The following ITIH1 variants were observed in gnomAD, a reference collection of about 807,000 sequenced individuals.
The protein encoded by ITIH1 is inter-alpha-trypsin inhibitor heavy chain 1, also known as inter-alpha-trypsin inhibitor heavy chain H1.
A neutral mutation model predicts 104.6 loss-of-function variants in ITIH1; 94 were observed. That is an observed-to-expected ratio of 0.90 (90% confidence interval 0.76 to 1.07). The LOEUF is 1.07. ITIH1 is among the 50% of genes least tolerant of loss of function. The pLI is 0.00. For synonymous variants in ITIH1, 455 were observed against 464.4 expected (o/e 0.98, Z 0.26); for missense variants, 1,193 against 1,181.4 (o/e 1.01, Z -0.14).
Position 52,777,612 on chromosome 3 carries a change from G to A in ITIH1, c.-4G>A. On this transcript the variant is annotated 5_prime_UTR_variant, in exon 1 of 22. Coordinates refer to ENST00000273283, the MANE Select transcript of ITIH1 (RefSeq NM_002215.4). ...AGGTGACAGGGCAGCAGGAGCCTTA[G>A]AGCATGGACGGTGCCATGGGGCCTC... is the stretch of plus-strand genomic sequence containing the variant. The A allele has an allele frequency of 6.4e-7, 1 of 1,566,960 alleles. No homozygotes were observed. Among genetic ancestry groups the A allele is most frequent in the Non-Finnish European group, 8.6e-7 (1 of 1,158,774 alleles).
At position 52,786,263 on chromosome 3, in the gene ITIH1, T is replaced by C. The variant is rs766758511; in HGVS notation, c.1594-32T>C. On this transcript the variant is annotated intron_variant, in intron 12 of 21. Transcript: ENST00000273283. ...CAGCCAGGGGCCGTGCTTATCATGGTGCACCACCCCTCTCTGTACCTCAAC... is the reference window on the plus strand; with the variant it reads ...CAGCCAGGGGCCGTGCTTATCATGGCGCACCACCCCTCTCTGTACCTCAAC... 3.2e-6 allele frequency: 5 copies of C among 1,556,494 alleles called. No individual in the cohort carries two copies. In the African/African-American group the frequency reaches 6.8e-5, roughly 21 times the overall value.
intron 15 of ITIH1, 49 bp from the exon 16 acceptor site, chr3:52,787,543 G>C (rs750685901): frequency 1.9e-6 from 3 of 1,611,716 alleles, no homozygotes; most frequent in Non-Finnish European, 1.7e-6. Flanking sequence ...TTTCGTGTGG[G>C]GCACCGTGGG....
At position 52,788,225 on chromosome 3, in the gene ITIH1, C is replaced by G. The variant is rs780481513; in HGVS notation, c.2006-7C>G. 4 of 1,588,046 alleles carry G rather than the reference C, an allele frequency of 2.5e-6. No individual in the cohort carries two copies. In the East Asian group the frequency reaches 6.7e-5, roughly 27 times the overall value. On this transcript the variant is annotated splice_region_variant and splice_polypyrimidine_tract_variant and intron_variant, in intron 17 of 21. Transcript: ENST00000273283. ...CCAATCTAACGAATTCCATGCTGTG[C>G]CCCCAGTGGACACAGACCCTCACTT...
chr3:52,785,245 T>G lies in ITIH1; in HGVS notation c.1593+16T>G. 3 of 1,612,090 alleles carry G rather than the reference T, an allele frequency of 1.9e-6. No individual in the cohort carries two copies. The highest frequency in any genetic ancestry group is 2.5e-6 in the Non-Finnish European group (3 of 1,178,586). On this transcript the variant is annotated intron_variant, in intron 12 of 21. Transcript: ENST00000273283. ...GGCCCATGGGGTAAATGGTGGGCCA[T>G]GGAGGGTGGAGAGGCCAGGCAGCAC...
intron 19 of ITIH1, chr3:52,790,222 G>T (rs1699317446): frequency 1.5e-5 from 5 of 341,338 alleles, no homozygotes. Context: ...CATTTGGCAT[G>T]TCTTAGTCTG....
Position 52,783,114 on chromosome 3 carries a change from C to T in ITIH1, c.1088C>T (p.Ser363Phe). 1 of 1,614,012 alleles carries T rather than the reference C, an allele frequency of 6.2e-7. No individual in the cohort carries two copies. Among genetic ancestry groups the T allele is most frequent in the Admixed American group, 1.7e-5 (1 of 60,000 alleles). The change falls in exon 9 of 22, where the codon TCC becomes TTC. Residue 363 changes from serine to phenylalanine, a missense_variant. Physicochemically the swap from Ser to Phe is radical, Grantham distance 155. Coordinates refer to ENST00000273283, the MANE Select transcript of ITIH1 (RefSeq NM_002215.4). ...GCTCAAGACTTTGTGCGGGGCTTTT[C>T]CCTGGATGAGGGTAAGGGTGGGGGT... ...QAAQDFVRGF[S>F]LDEATNLNGG... is the part of the protein sequence containing the mutation.
At position 52,782,273 on chromosome 3, in the gene ITIH1, C is replaced by T; in HGVS notation, c.930+6C>T. Reference sequence around the variant, plus strand: ...GAGGCCAGAAAGTGAAGCAGGTAGGCTGCAGCTTGAAACAGCTCACCCAGC... The same window carrying T: ...GAGGCCAGAAAGTGAAGCAGGTAGGTTGCAGCTTGAAACAGCTCACCCAGC... On this transcript the variant is annotated splice_donor_region_variant and intron_variant, in intron 8 of 21. Transcript: ENST00000273283. 6.2e-7 allele frequency: 1 copy of T among 1,607,780 alleles called. No individual in the cohort carries two copies. Among genetic ancestry groups the T allele is most frequent in the South Asian group, 1.1e-5 (1 of 90,924 alleles).
rs201974708 is a variant in ITIH1, at chr3:52,782,158, A to G, written c.821A>G (p.Asn274Ser). 43 of 1,614,202 alleles carry G rather than the reference A, an allele frequency of 2.7e-5. No homozygotes were observed. Among genetic ancestry groups the G allele is most frequent in the Non-Finnish European group, 3.3e-5 (39 of 1,180,030 alleles). The change falls in exon 8 of 22, where the codon AAT becomes AGT. Residue 274 changes from asparagine to serine, a missense_variant. Coordinates refer to ENST00000273283, the MANE Select transcript of ITIH1 (RefSeq NM_002215.4). ...RDKICDLLVA[N>S]NHFAHFFAPQ... is the part of the protein sequence containing the mutation. Reference sequence around the variant, plus strand: ...CGTTCTCCTCTATTTCAGGTGGCCAATAACCACTTTGCCCACTTCTTTGCC... The same window carrying G: ...CGTTCTCCTCTATTTCAGGTGGCCAGTAACCACTTTGCCCACTTCTTTGCC...
intron 16 of ITIH1, 168 bp downstream of exon 16, chr3:52,787,780 C>T: frequency 1.1e-6 from 1 of 931,214 alleles, no homozygotes; most frequent in Admixed American, 1.8e-5. Context: ...GGGGAGGAGA[C>T]AGAGAGGGGG....
At chr3:52,786,183 C>A in intron 12 of ITIH1, 112 bp from the exon 13 acceptor site, 1 of 1,046,850 alleles carries the variant, frequency 9.6e-7, no homozygotes, top group Admixed American at 2.6e-5. Context: ...GCAGGTGATG[C>A]TGAGGACGAA....
chr3:52,778,441 T>A lies in ITIH1; in HGVS notation c.240T>A (p.Asn80Lys), dbSNP rs752972857. Residue 80 changes from asparagine (N) to lysine (K), a missense_variant, in exon 3 of 22, where the codon AAT becomes AAA. Coordinates refer to ENST00000273283, the MANE Select transcript of ITIH1 (RefSeq NM_002215.4). ...VVTSQVVNTA[N>K]EAREVAFDLE... Reference sequence around the variant, plus strand: ...CCAGCCAAGTGGTCAACACTGCCAATGAAGCCAGGGAAGTGGCCTTCGACC... The same window carrying A: ...CCAGCCAAGTGGTCAACACTGCCAAAGAAGCCAGGGAAGTGGCCTTCGACC... 6.2e-7 allele frequency: 1 copy of A among 1,614,066 alleles called. No homozygotes were observed. The highest frequency in any genetic ancestry group is 8.5e-7 in the Non-Finnish European group (1 of 1,180,046).
Position 52,785,056 on chromosome 3 carries a change from C to A in ITIH1, c.1420C>A (p.Gln474Lys). 1 of 1,614,084 alleles carries A rather than the reference C, an allele frequency of 6.2e-7. No individual in the cohort carries two copies. The highest frequency in any genetic ancestry group is 1.1e-5 in the South Asian group (1 of 91,076). ...ATQQLQGFYS[Q>K]VAKPLLVDVD... Reference sequence around the variant, plus strand: ...TCTATCCCTGCAGGGTTTCTACAGCCAGGTAGCCAAACCCCTGCTGGTGGA... The same window carrying A: ...TCTATCCCTGCAGGGTTTCTACAGCAAGGTAGCCAAACCCCTGCTGGTGGA... The change falls in exon 12 of 22, where the codon CAG becomes AAG. Residue 474 changes from glutamine (Q) to lysine (K), a missense_variant. Physicochemically the swap from Gln to Lys is moderately conservative, Grantham distance 53. Coordinates refer to ENST00000273283, the MANE Select transcript of ITIH1 (RefSeq NM_002215.4).
intron 12 of ITIH1, 147 bp from the exon 13 acceptor site, chr3:52,786,148 G>T: frequency 1.3e-6 from 1 of 780,422 alleles, no homozygotes. Context: ...TCAACGAATA[G>T]GATGAGGCGA....
In ITIH1 at chr3:52,779,136, C is replaced by A; in HGVS notation, c.410+90C>A. The A allele has an allele frequency of 1.1e-6, 1 of 945,976 alleles. No individual in the cohort carries two copies. The highest frequency in any genetic ancestry group is 1.7e-6 in the Non-Finnish European group (1 of 578,656). The allele number at this position is 945,976 out of a possible 1,614,324, so 58.6% of individuals were successfully genotyped here. ...GCTGCAAGGTGGCTTTAGTGGAGAA[C>A]AGCCCAGGATGATGGAAGGGTAAGC... On this transcript the variant is annotated intron_variant, in intron 4 of 21. Coordinates refer to ENST00000273283, the MANE Select transcript of ITIH1 (RefSeq NM_002215.4). This position sits in a 1 kb window ranked among gnomAD's most constrained non-coding sequence, Gnocchi z 4.4.
At chr3:52,786,642 C>T (rs530623563) in intron 13 of ITIH1, among the ~76,000 whole-genome samples, 9 of 152,228 alleles carry the variant, frequency 5.9e-5, no homozygotes, top group Non-Finnish European at 8.8e-5. Flanking sequence ...TTTACCCACA[C>T]TCAGCACACA....
chr3:52,781,255 T>C (rs1478208025), intron 6 of ITIH1, among the ~76,000 whole-genome samples: 1 of 130,588 alleles, frequency 7.7e-6, no homozygotes, highest in African/African-American at 2.8e-5. Flanking sequence ...TTCTTCTTCT[T>C]CTTCTTCTTC....
At position 52,788,307 on chromosome 3, in the gene ITIH1, C is replaced by T. The variant is rs757144357; in HGVS notation, c.2081C>T (p.Pro694Leu). ...CTGTGCTTCAACATCAATGAGGAGC[C>T]TGGTGTTATCCTGAGCCTGGTACAG... ...DTLCFNINEE[P>L]GVILSLVQDP... is the part of the protein sequence containing the mutation. Residue 694 changes from proline (P) to leucine (L), a missense_variant, in exon 18 of 22, where the codon CCT (proline) becomes CTT (leucine). Pro to Leu is a moderately conservative substitution (Grantham distance 98, BLOSUM62 -3). Coordinates refer to ENST00000273283, the MANE Select transcript of ITIH1 (RefSeq NM_002215.4). 6 of 1,610,394 alleles carry T rather than the reference C, an allele frequency of 3.7e-6. No homozygotes were observed. Among genetic ancestry groups the T allele is most frequent in the Non-Finnish European group, 5.1e-6 (6 of 1,178,374 alleles).
chr3:52,778,573 A>G (rs1559459855), intron 3 of ITIH1, 67 bp downstream of exon 3: 2 of 1,600,214 alleles, frequency 1.2e-6, no homozygotes, highest in Non-Finnish European at 1.7e-6. Context: ...GCTTAAGAAC[A>G]AGGATCGGAG....
rs1181682021 is a variant in ITIH1, at chr3:52,780,402, G to C, written c.687+20G>C. 1 of 1,547,722 alleles carries C rather than the reference G, an allele frequency of 6.5e-7. No individual in the cohort carries two copies. Among genetic ancestry groups the C allele is most frequent in the East Asian group, 2.3e-5 (1 of 44,390 alleles). ...AAAAAGGTACATGGGATAGCAAGGG[G>C]GTGGTGGTGGGCCCTTTGGAGACTT... On this transcript the variant is annotated intron_variant, in intron 6 of 21. Coordinates refer to ENST00000273283, the MANE Select transcript of ITIH1 (RefSeq NM_002215.4).
Sources: gnomAD v4.1 joint callset for allele counts (sites outside exome capture counted in the v4.1 genomes callset) on GRCh38, gnomAD v4.1.1 for gene constraint, Gnocchi (gnomAD v3.1) non-coding constraint, MANE v1.5 for transcripts, NCBI Gene and HGNC (gene_info 2026-07-23, HGNC 2026-07-21) for gene names.